The following EVI5 variants were observed in gnomAD, a reference collection of about 807,000 sequenced individuals.
EVI5 encodes the protein ecotropic viral integration site 5, also known as ecotropic viral integration site 5 protein homolog.
Under a neutral mutation model 112.0 loss-of-function variants are expected in EVI5, and 73 were observed. The observed-to-expected ratio is 0.65, with a 90% confidence interval of 0.54 to 0.79. The LOEUF (loss-of-function observed/expected upper bound fraction) is 0.79, where lower values mean the gene tolerates loss of function less well. Ranked by LOEUF, EVI5 falls within the 30% of genes least tolerant of loss-of-function variation. The pLI is 0.00. For synonymous variants in EVI5, 305 were observed against 319.9 expected (o/e 0.95, Z 0.50); for missense variants, 900 against 968.8 (o/e 0.93, Z 0.94).
intron 16 of EVI5, among the ~76,000 whole-genome samples, chr1:92,615,291 G>C (rs1368705581): frequency 1.3e-5 from 2 of 152,150 alleles, no homozygotes; most frequent in Non-Finnish European, 2.9e-5. Context: ...GAAAGAAAAT[G>C]ATGAATTCAG....
At chr1:92,634,043 G>T (rs200597835) in intron 14 of EVI5, among the ~76,000 whole-genome samples, 6 of 152,304 alleles carry the variant, frequency 3.9e-5, no homozygotes, top group African/African-American at 1.4e-4. Flanking sequence ...TCTGCTGAGA[G>T]ATCAGCTGTT....
chr1:92,752,623 C>T (rs1680359062), intron 1 of EVI5, among the ~76,000 whole-genome samples: 1 of 151,974 alleles, frequency 6.6e-6, no homozygotes, highest in Admixed American at 6.6e-5. Flanking sequence ...TTGTGGGGAG[C>T]GGGGAGTCGA....
chr1:92,655,698 C>T (rs539226203), intron 13 of EVI5, among the ~76,000 whole-genome samples: 5 of 152,116 alleles, frequency 3.3e-5, no homozygotes, highest in South Asian at 2.1e-4. Flanking sequence ...ATAAAACAGA[C>T]TTTAAATCAA....
chr1:92,520,964 C>CT (rs375289358), intron 19 of EVI5, among the ~76,000 whole-genome samples: 19,383 of 142,168 alleles, frequency 0.14, 1,576 homozygotes, highest in Middle Eastern at 0.17. Context: ...GCTGCTTCTT[C>CT]TTTTTTTTTT....
At position 92,640,131 on chromosome 1, in the gene EVI5, T is replaced by TA. The variant is rs1209333730; in HGVS notation, c.1393-3796dup. Among the ~76,000 whole-genome samples, 10 of 152,320 alleles carry TA rather than the reference T, an allele frequency of 6.6e-5. No homozygotes were observed. The South Asian group carries it at 1.9e-3, about 28-fold the overall frequency. ...ATTTACTCAAGATGGATTGAAGACTTAAATGTAAAACCCCAAACCATAAAA... is the reference window on the plus strand; with the variant it reads ...ATTTACTCAAGATGGATTGAAGACTTAAAATGTAAAACCCCAAACCATAAAA... On this transcript the variant is annotated intron_variant, in intron 13 of 19. Coordinates refer to ENST00000684568, the MANE Select transcript of EVI5 (RefSeq NM_001350197.2).
rs1225778280 is a variant in EVI5, at chr1:92,697,854, T to C, written c.765+6A>G. ...ATATGCCTTTTTATCAACACTGCACTTTTACCTGTATCATACATTCAAACT... is the reference window on the plus strand; with the variant it reads ...ATATGCCTTTTTATCAACACTGCACCTTTACCTGTATCATACATTCAAACT... On this transcript the variant is annotated splice_donor_region_variant and intron_variant, in intron 6 of 19. Transcript: ENST00000684568. The C allele has an allele frequency of 1.2e-6, 2 of 1,609,824 alleles. No homozygotes were observed. Among genetic ancestry groups the C allele is most frequent in the Admixed American group, 1.7e-5 (1 of 59,650 alleles).
chr1:92,783,808 C>CAAAAAAAA (rs58484805), intron 1 of EVI5, among the ~76,000 whole-genome samples: 1 of 94,302 alleles, frequency 1.1e-5, no homozygotes, highest in Non-Finnish European at 2.1e-5. Context: ...GACTCCCTGT[C>CAAAAAAAA]AAAAAAAAAA....
intron 1 of EVI5, among the ~76,000 whole-genome samples, chr1:92,782,573 T>C (rs937220934): frequency 1.3e-5 from 2 of 152,160 alleles, no homozygotes; most frequent in African/African-American, 2.4e-5. Flanking sequence ...ACTGTACCTC[T>C]ACTAGACTAG....
intron 14 of EVI5, among the ~76,000 whole-genome samples, chr1:92,627,841 G>A (rs574794511): frequency 2.0e-5 from 3 of 151,994 alleles, no homozygotes; most frequent in South Asian, 4.2e-4. Context: ...CCAGGCTGGA[G>A]CGCAATGGCA....
At chr1:92,780,966 C>T (rs1291149607) in intron 1 of EVI5, among the ~76,000 whole-genome samples, 2 of 151,976 alleles carry the variant, frequency 1.3e-5, no homozygotes, top group African/African-American at 4.8e-5. Context: ...ATTCTCCTGC[C>T]TCAGCCTCCT....
chr1:92,531,792 T>C (rs1016937451), intron 19 of EVI5, among the ~76,000 whole-genome samples: 5 of 152,158 alleles, frequency 3.3e-5, no homozygotes, highest in African/African-American at 1.2e-4. Flanking sequence ...AAGGAAGCAC[T>C]AAACATGGAA....
chr1:92,546,228 T>C (rs986641280), intron 19 of EVI5, among the ~76,000 whole-genome samples: 1 of 152,148 alleles, frequency 6.6e-6, no homozygotes, highest in African/African-American at 2.4e-5. Flanking sequence ...ATTAAATGGA[T>C]ATACGAAGTG....
At chr1:92,550,471 T>C (rs1248595212) in intron 19 of EVI5, among the ~76,000 whole-genome samples, 2 of 151,572 alleles carry the variant, frequency 1.3e-5, no homozygotes, top group Non-Finnish European at 2.9e-5. Context: ...GTTGTGCACA[T>C]GTACCCTAGA....
At chr1:92,695,189 C>T in intron 7 of EVI5, 121 bp downstream of exon 7, 1 of 708,398 alleles carries the variant, frequency 1.4e-6, no homozygotes, top group South Asian at 2.2e-5. Flanking sequence ...TGAGATTATC[C>T]ATGTAAGCAG....
At chr1:92,695,269 C>T in intron 7 of EVI5, 41 bp downstream of exon 7, 1 of 1,560,202 alleles carries the variant, frequency 6.4e-7, no homozygotes, top group South Asian at 1.2e-5. Flanking sequence ...CTCAGTGACC[C>T]CTTTGCTCAG....
Position 92,637,485 on chromosome 1 carries a change from T to G in EVI5, c.1393-1149A>C, listed in dbSNP as rs370604579. On this transcript the variant is annotated intron_variant, in intron 13 of 19. Transcript: ENST00000684568. ...CACGGAAGCACGCAACTTTCCCATTTGCTTTCCTACTCTATAAAACATGAA... is the reference window on the plus strand; with the variant it reads ...CACGGAAGCACGCAACTTTCCCATTGGCTTTCCTACTCTATAAAACATGAA... Among the ~76,000 whole-genome samples, 37 of 152,344 alleles carry G rather than the reference T, an allele frequency of 2.4e-4. No homozygotes were observed. The South Asian group carries it at 7.7e-3, about 32-fold the overall frequency.
At chr1:92,788,947 G>C (rs1339672068), upstream of EVI5, among the ~76,000 whole-genome samples, 2 of 152,064 alleles carry the variant, frequency 1.3e-5, no homozygotes, top group Non-Finnish European at 2.9e-5. Flanking sequence ...TGTCCTCATG[G>C]GGTAGGTATT....
chr1:92,620,105 G>A (rs552516055), intron 16 of EVI5, among the ~76,000 whole-genome samples: 1 of 152,292 alleles, frequency 6.6e-6, no homozygotes, highest in African/African-American at 2.4e-5. Context: ...AGAACTTTGG[G>A]AGGCCGAGAC....
At chr1:92,575,310 C>T (rs10127800) in intron 18 of EVI5, among the ~76,000 whole-genome samples, 4,001 of 152,164 alleles carry the variant, frequency 0.026, 155 homozygotes, top group African/African-American at 0.081. Context: ...TTGCAGGTGT[C>T]ATGACATTTT....
Sources: allele counts gnomAD v4.1 joint callset (sites outside exome capture counted in the v4.1 genomes callset), GRCh38; gene constraint gnomAD v4.1.1; transcripts MANE v1.5; gene names NCBI Gene and HGNC (gene_info 2026-07-23, HGNC 2026-07-21).